Variants in SNTB2 observed in about 807,000 individuals in gnomAD.
SNTB2 encodes the protein syntrophin beta 2, also known as beta-2-syntrophin.
In SNTB2, 34 loss-of-function variants were observed where a neutral mutation model predicts 46.2. That is an observed-to-expected ratio of 0.74 (90% CI 0.56 to 0.98). The LOEUF is 0.98. SNTB2 is among the 50% of genes least tolerant of loss of function. The probability of loss-of-function intolerance (pLI) is 0.00; values close to 1 mark genes in which losing one functional copy is unlikely to be tolerated. For missense variants in SNTB2, 603 were observed against 731.4 expected, an observed-to-expected ratio of 0.82 and a Z score of 2.02; for synonymous variants, 290 against 312.6, an observed-to-expected ratio of 0.93 and a Z score of 0.76.
At chr16:69,208,733 C>T (rs1046305158) in intron 1 of SNTB2, among the ~76,000 whole-genome samples, 2 of 149,772 alleles carry the variant, frequency 1.3e-5, no homozygotes, top group Non-Finnish European at 3.0e-5. Flanking sequence ...CGGTGGCTCA[C>T]GCCTGTAATC....
At chr16:69,269,486 C>T (rs937051453) in intron 3 of SNTB2, among the ~76,000 whole-genome samples, 3 of 151,696 alleles carry the variant, frequency 2.0e-5, no homozygotes, top group African/African-American at 7.3e-5. Flanking sequence ...CGCTGCACTC[C>T]AGCTTGGCGA....
intron 1 of SNTB2, among the ~76,000 whole-genome samples, chr16:69,212,578 C>T (rs767496766): frequency 1.1e-4 from 16 of 152,242 alleles, no homozygotes; most frequent in Middle Eastern, 3.4e-3. Flanking sequence ...ACTTCATGAT[C>T]CACCCACCTC....
At chr16:69,187,773 G>GGGGGGGGGGGGGCCC in intron 1 of SNTB2, 27 bp downstream of exon 1, 1 of 331,856 alleles carries the variant, frequency 3.0e-6, no homozygotes, top group Non-Finnish European at 5.5e-6. Context: ...GGGAGGGTGG[G>GGGGGGGGGGGGGCCC]CAGGCCGCGG....
chr16:69,280,006 C>T (rs542191346), intron 4 of SNTB2, among the ~76,000 whole-genome samples: 3 of 152,238 alleles, frequency 2.0e-5, no homozygotes, highest in South Asian at 4.1e-4. Flanking sequence ...GGGGACCCTG[C>T]GGCCTTCCGC....
rs1169466798 is a variant in SNTB2 at position 69,233,485 on chromosome 16, G to T, written c.581-12117G>T. On this transcript the variant is annotated intron_variant, in intron 1 of 6. Transcript: ENST00000336278. The stretch of plus-strand genomic sequence containing the variant: ...TTTTTCACCTATTAAAATAGCAAGG[G>T]TTATTTTAAGTGGGATTACTTCATG... Among the ~76,000 whole-genome samples the T allele has an allele frequency of 5.3e-5, 8 of 152,080 alleles. 1 individual carries two copies. In the South Asian group the frequency reaches 1.7e-3, roughly 32 times the overall value.
intron 1 of SNTB2, among the ~76,000 whole-genome samples, chr16:69,234,710 T>A (rs1964540438): frequency 6.6e-6 from 1 of 151,804 alleles, no homozygotes; most frequent in Non-Finnish European, 1.5e-5. Context: ...GTATTTTTTT[T>A]TTTTTTTTTC....
intron 3 of SNTB2, among the ~76,000 whole-genome samples, chr16:69,260,734 C>A (rs1318174494): frequency 1.3e-5 from 2 of 152,142 alleles, no homozygotes. Context: ...GGATCTGGCC[C>A]AAGTGTCATA....
intron 2 of SNTB2, among the ~76,000 whole-genome samples, chr16:69,256,786 C>A (rs1169345886): frequency 6.6e-6 from 1 of 152,114 alleles, no homozygotes; most frequent in Non-Finnish European, 1.5e-5. Flanking sequence ...CATGGGTGTA[C>A]AAATGTCTCA....
Position 69,292,417 on chromosome 16 carries a change from ATTATATATATATATATAT to A in SNTB2, c.1346-7171_1346-7154del, listed in dbSNP as rs1567416498. ...ATATATATATATATATTATATATATATTATATATATATATATATTATATATATATAATTTTTTTTTTGA... is the reference window on the plus strand; with the variant it reads ...ATATATATATATATATTATATATATATATATATATATAATTTTTTTTTTGA... On this transcript the variant is annotated intron_variant, in intron 5 of 6. Coordinates refer to ENST00000336278, the MANE Select transcript of SNTB2 (RefSeq NM_006750.4). Among the ~76,000 whole-genome samples the A allele has an allele frequency of 4.5e-3, 78 of 17,342 alleles. 15 individuals are homozygous for A. The highest frequency in any genetic ancestry group is 0.014 in the African/African-American group (33 of 2,304). The allele number at this position is 17,342 out of a possible 152,430, so 11.4% of individuals were successfully genotyped here.
rs34530998 is a variant in SNTB2 at position 69,249,023 on chromosome 16, CTT to C, written c.794+3226_794+3227del. ...CAATTTTGTTATAAATCATTTCTTT[CTT>C]TTTTTTTTTTTTTTTTTGAGACAGG... On this transcript the variant is annotated intron_variant, in intron 2 of 6. Coordinates refer to ENST00000336278, the MANE Select transcript of SNTB2 (RefSeq NM_006750.4). Among the ~76,000 whole-genome samples the C allele has an allele frequency of 5.1e-3, 638 of 125,768 alleles. 2 individuals are homozygous for C. Among genetic ancestry groups the C allele is most frequent in the African/African-American group, 0.017 (578 of 33,112 alleles). The allele number at this position is 125,768 out of a possible 152,430, so 82.5% of individuals were successfully genotyped here. A position where few individuals can be genotyped will look rare whatever the true frequency, so the allele number is the denominator to read the frequency against.
chr16:69,269,293 C>T (rs1020148193), intron 3 of SNTB2, among the ~76,000 whole-genome samples: 3 of 151,912 alleles, frequency 2.0e-5, no homozygotes, highest in Non-Finnish European at 2.9e-5. Flanking sequence ...CCAAGGCAGG[C>T]GGATCATGAG....
intron 5 of SNTB2, among the ~76,000 whole-genome samples, chr16:69,292,401 TATATATTATATATATATTA>T (rs1965176257): frequency 1.2e-4 from 3 of 24,872 alleles, no homozygotes; most frequent in Non-Finnish European, 1.9e-4. Context: ...TATATATATA[TATATATTATATATATATTA>T]TATATATATA....
rs1463296999 is a variant in SNTB2, at chr16:69,299,796, A to T, written c.1530+22A>T. The T allele has an allele frequency of 1.9e-6, 3 of 1,605,902 alleles. No homozygotes were observed. In the East Asian group the frequency reaches 6.7e-5, roughly 36 times the overall value. ...ACTGGTAAGAGTGTTTCTGAAACAC[A>T]TGTTTATCTAATAGATGTTCTCTTT... On this transcript the variant is annotated intron_variant, in intron 6 of 6. Coordinates refer to ENST00000336278, the MANE Select transcript of SNTB2 (RefSeq NM_006750.4).
chr16:69,259,557 G>A, intron 2 of SNTB2, among the ~76,000 whole-genome samples: 1 of 136,394 alleles, frequency 7.3e-6, no homozygotes, highest in Non-Finnish European at 1.6e-5. Context: ...CTTTCCATGT[G>A]TTGTTTTCTT....
At chr16:69,247,320 T>C (rs1427502179) in intron 2 of SNTB2, among the ~76,000 whole-genome samples, 1 of 152,138 alleles carries the variant, frequency 6.6e-6, no homozygotes, top group Non-Finnish European at 1.5e-5. Context: ...TAACTTTGTC[T>C]TCATTAACTC....
chr16:69,192,903 A>G (rs756752604), intron 1 of SNTB2, among the ~76,000 whole-genome samples: 2 of 152,136 alleles, frequency 1.3e-5, no homozygotes, highest in Non-Finnish European at 2.9e-5. Context: ...CTAGAATGCT[A>G]TAATTAGTTG....
At chr16:69,272,469 G>A (rs1412300859) in intron 4 of SNTB2, among the ~76,000 whole-genome samples, 3 of 151,104 alleles carry the variant, frequency 2.0e-5, no homozygotes, top group Non-Finnish European at 4.4e-5. Context: ...GGATATGGGA[G>A]GCAGAGGTTG....
At chr16:69,284,459 TAAAAAAAAAA>T (rs3087058) in intron 5 of SNTB2, among the ~76,000 whole-genome samples, 2 of 45,908 alleles carry the variant, frequency 4.4e-5, no homozygotes, top group Admixed American at 3.5e-4. Flanking sequence ...CCGTCTTTAC[TAAAAAAAAAA>T]AAAAAAAAAA....
chr16:69,299,797 T>C (rs776258708), intron 6 of SNTB2, 23 bp downstream of exon 6: 2 of 1,605,932 alleles, frequency 1.2e-6, no homozygotes, highest in Admixed American at 1.7e-5. Context: ...CTGAAACACA[T>C]GTTTATCTAA....
Sources: gnomAD v4.1 joint callset for allele counts (sites outside exome capture counted in the v4.1 genomes callset) on GRCh38, gnomAD v4.1.1 for gene constraint, MANE v1.5 for transcripts, NCBI Gene and HGNC (gene_info 2026-07-23, HGNC 2026-07-21) for gene names.